Variants in ZNRF1 observed in about 807,000 individuals in gnomAD.
ZNRF1 encodes the protein zinc and ring finger 1.
In ZNRF1, 3 loss-of-function variants were observed where a neutral mutation model predicts 18.4. The observed-to-expected ratio is 0.16, with a 90% confidence interval of 0.07 to 0.42. The LOEUF (loss-of-function observed/expected upper bound fraction) is 0.42. Among genes scored for constraint, ZNRF1 ranks in the 10% least tolerant of loss-of-function variants. The probability of loss-of-function intolerance (pLI) is 0.99; values close to 1 mark genes in which losing one functional copy is unlikely to be tolerated. For missense variants in ZNRF1, 310 were observed against 329.8 expected (o/e 0.94, Z 0.47); for synonymous variants, 157 against 144.2 (o/e 1.09, Z -0.64).
At chr16:75,017,857 C>T (rs551884107) in intron 1 of ZNRF1, among the ~76,000 whole-genome samples, 1 of 152,226 alleles carries the variant, frequency 6.6e-6, no homozygotes, top group African/African-American at 2.4e-5. Flanking sequence ...CCAGAGATGC[C>T]TTTATTGGAG....
intron 1 of ZNRF1, among the ~76,000 whole-genome samples, chr16:75,028,021 C>T (rs946291434): frequency 6.6e-5 from 10 of 152,172 alleles, no homozygotes; most frequent in Admixed American, 5.9e-4. Context: ...TCTGCCTTTT[C>T]CCCCTTTCCT....
chr16:75,027,374 T>C (rs1214092974), intron 1 of ZNRF1, among the ~76,000 whole-genome samples: 1 of 152,224 alleles, frequency 6.6e-6, no homozygotes, highest in Non-Finnish European at 1.5e-5. Context: ...ATTGTGGGAA[T>C]CCTTTTTAGC....
At chr16:75,033,703 T>C (rs1423714634) in intron 1 of ZNRF1, among the ~76,000 whole-genome samples, 2 of 152,166 alleles carry the variant, frequency 1.3e-5, no homozygotes, top group Non-Finnish European at 2.9e-5. Context: ...TCCCAAAGTG[T>C]TGGGATTACA....
chr16:75,064,038 C>A (rs1238650441), intron 1 of ZNRF1, among the ~76,000 whole-genome samples: 1 of 152,170 alleles, frequency 6.6e-6, no homozygotes, highest in Non-Finnish European at 1.5e-5. Flanking sequence ...TGGCTCACGC[C>A]TGTAAATCCC....
chr16:75,097,307 C>G (rs530088538), intron 2 of ZNRF1, among the ~76,000 whole-genome samples: 1 of 151,968 alleles, frequency 6.6e-6, no homozygotes, highest in African/African-American at 2.4e-5. Context: ...GGAGATGACC[C>G]GCTTTTGACT....
intron 1 of ZNRF1, among the ~76,000 whole-genome samples, chr16:75,085,815 A>AGT (rs1555513832): frequency 4.1e-5 from 6 of 146,728 alleles, no homozygotes; most frequent in African/African-American, 1.6e-4. Context: ...AGAGAGAGAG[A>AGT]GAGTGAGTGT....
chr16:75,072,529 A>G (rs930134014), intron 1 of ZNRF1, among the ~76,000 whole-genome samples: 5 of 152,194 alleles, frequency 3.3e-5, no homozygotes, highest in Admixed American at 6.5e-5. Context: ...TGTCCAGTCC[A>G]GTGCCTGACA....
chr16:75,003,368 A>G (rs1297527563), intron 1 of ZNRF1, among the ~76,000 whole-genome samples: 1 of 152,058 alleles, frequency 6.6e-6, no homozygotes, highest in Non-Finnish European at 1.5e-5. Flanking sequence ...GTGTTCCTTG[A>G]TCTCTGTTGT....
intron 1 of ZNRF1, among the ~76,000 whole-genome samples, chr16:75,015,675 C>G (rs2035056494): frequency 6.6e-6 from 1 of 152,174 alleles, no homozygotes; most frequent in Non-Finnish European, 1.5e-5. Context: ...CCTGAAACTC[C>G]TGGAGTCAGA....
rs544279388 is a variant in ZNRF1, at chr16:75,108,224, G to A, written c.*524G>A. 7 of 188,528 alleles carry A rather than the reference G, an allele frequency of 3.7e-5. No individual in the cohort carries two copies. The highest frequency in any genetic ancestry group is 3.3e-4 in the South Asian group (2 of 6,108). The allele number at this position is 188,528 out of a possible 1,614,324, so 11.7% of individuals were successfully genotyped here. ...AACTTCTCTACTTTGGGTTTGTTTG[G>A]TTTTTTCCCTCTATTTTTCTGGCTG... On this transcript the variant is annotated 3_prime_UTR_variant, in exon 5 of 5. Coordinates refer to ENST00000335325, the MANE Select transcript of ZNRF1 (RefSeq NM_032268.5).
At chr16:75,106,879 G>T (rs1174925797) in intron 4 of ZNRF1, 2 of 270,804 alleles carry the variant, frequency 7.4e-6, no homozygotes, top group African/African-American at 2.2e-5. Flanking sequence ...ATGTGCACGG[G>T]CAGGAAAAGG....
rs142793597 is a variant in ZNRF1 at position 75,041,617 on chromosome 16, A to G, written c.424+41522A>G. 6.8e-3 allele frequency among the ~76,000 whole-genome samples: 1,038 copies of G among 152,090 alleles called. 8 individuals carry two copies. Among genetic ancestry groups the G allele is most frequent in the African/African-American group, 0.024 (1,007 of 41,520 alleles). On this transcript the variant is annotated intron_variant, in intron 1 of 4. Transcript: ENST00000335325. ...AGGTCTGGGATTACAGGCGTGAGCC[A>G]CCGTGCCCAGTCCTCACTGTGATTT...
chr16:75,036,568 CT>C lies in ZNRF1; in HGVS notation c.424+36488del, dbSNP rs111306434. Among the ~76,000 whole-genome samples the C allele has an allele frequency of 1.7e-3, 231 of 137,186 alleles. 2 individuals carry two copies. The highest frequency in any genetic ancestry group is 3.8e-3 in the Middle Eastern group (1 of 266). The allele number at this position is 137,186 out of a possible 152,430, so 90.0% of individuals were successfully genotyped here. On this transcript the variant is annotated intron_variant, in intron 1 of 4. Coordinates refer to ENST00000335325, the MANE Select transcript of ZNRF1 (RefSeq NM_032268.5). ...TCCTATCCAATACTTTCATCTGTTT[CT>C]TTTTTTTTTTTTTTCCCTCTCCTTC...
At chr16:75,014,254 C>T (rs573403618) in intron 1 of ZNRF1, among the ~76,000 whole-genome samples, 4 of 152,252 alleles carry the variant, frequency 2.6e-5, no homozygotes, top group African/African-American at 7.2e-5. Flanking sequence ...GGCTTATTCC[C>T]ATTTTCTCTT....
At chr16:75,060,778 A>G (rs2035733535) in intron 1 of ZNRF1, among the ~76,000 whole-genome samples, 1 of 152,110 alleles carries the variant, frequency 6.6e-6, no homozygotes, top group African/African-American at 2.4e-5. Context: ...GCGCCCGGCC[A>G]GAAACTTGGA....
rs745787665 is a variant in ZNRF1 at position 75,106,543 on chromosome 16, G to A, written c.*4G>A. 2 of 1,613,994 alleles carry A rather than the reference G, an allele frequency of 1.2e-6. No individual in the cohort carries two copies. The highest frequency in any genetic ancestry group is 1.1e-5 in the South Asian group (1 of 91,084). ...TCCGGAACACCCTGCGGACTGACCT[G>A]CGGGCTTGCTTGCTGACTCCTCTCA... is the stretch of plus-strand genomic sequence containing the variant. On this transcript the variant is annotated 3_prime_UTR_variant, in exon 4 of 5. Coordinates refer to ENST00000335325, the MANE Select transcript of ZNRF1 (RefSeq NM_032268.5).
At chr16:75,055,382 A>G (rs748359608) in intron 1 of ZNRF1, among the ~76,000 whole-genome samples, 3 of 152,176 alleles carry the variant, frequency 2.0e-5, no homozygotes, top group South Asian at 2.1e-4. Context: ...CCAGTCCCCA[A>G]TGTATGATGT....
chr16:75,068,604 T>C (rs1487330831), intron 1 of ZNRF1, among the ~76,000 whole-genome samples: 1 of 152,112 alleles, frequency 6.6e-6, no homozygotes, highest in East Asian at 1.9e-4. Flanking sequence ...TCCTGCTATA[T>C]AGCAGGACCT....
intron 1 of ZNRF1, among the ~76,000 whole-genome samples, chr16:75,073,776 T>A (rs997213354): frequency 2.6e-5 from 4 of 152,028 alleles, no homozygotes; most frequent in Non-Finnish European, 5.9e-5. Flanking sequence ...CCCGACATGG[T>A]TCTGTGGCCA....
Sources: gnomAD v4.1 joint callset for allele counts (sites outside exome capture counted in the v4.1 genomes callset) on GRCh38, gnomAD v4.1.1 for gene constraint, MANE v1.5 for transcripts, NCBI Gene and HGNC (gene_info 2026-07-23, HGNC 2026-07-21) for gene names.